CTNND2: variants seen among roughly 807,000 people sequenced by gnomAD.
CTNND2 encodes the protein catenin delta 2.
A neutral mutation model predicts 144.4 loss-of-function variants in CTNND2; 22 were observed. The observed-to-expected ratio is 0.15, with a 90% CI of 0.11 to 0.22. The LOEUF is 0.22. CTNND2 is among the 10% of genes least tolerant of loss of function. The probability of loss-of-function intolerance (pLI) is 1.00; values close to 1 mark genes in which losing one functional copy is unlikely to be tolerated. For missense variants in CTNND2, 1,353 were observed against 1,618.8 expected (o/e 0.84, Z 2.82); for synonymous variants, 751 against 695.6 (o/e 1.08, Z -1.25).
intron 16 of CTNND2, among the ~76,000 whole-genome samples, chr5:11,080,679 T>C (rs1324390728): frequency 6.6e-6 from 1 of 152,204 alleles, no homozygotes; most frequent in Non-Finnish European, 1.5e-5. Flanking sequence ...TACAACAACA[T>C]GGATGAACCT....
chr5:11,128,901 A>C (rs1218269872), intron 12 of CTNND2, among the ~76,000 whole-genome samples: 1 of 60,624 alleles, frequency 1.6e-5, no homozygotes, highest in African/African-American at 5.5e-5. Flanking sequence ...TATATTACAT[A>C]TATAAATATA....
In CTNND2 at chr5:11,448,962, C is replaced by T. The variant is rs139370735; in HGVS notation, c.288-36893G>A. Among the ~76,000 whole-genome samples the T allele has an allele frequency of 3.4e-3, 518 of 151,974 alleles. 5 individuals carry two copies. The highest frequency in any genetic ancestry group is 0.012 in the African/African-American group (491 of 41,442). The stretch of plus-strand genomic sequence containing the variant: ...AAGTGATCCTCCCACCTCAGTCTCC[C>T]AAAGTGCTGGGATTATAGGTGTGAG... On this transcript the variant is annotated intron_variant, in intron 3 of 21. Transcript: ENST00000304623.
chr5:11,583,983 C>T (rs1023392614), intron 2 of CTNND2, among the ~76,000 whole-genome samples: 4 of 152,144 alleles, frequency 2.6e-5, no homozygotes, highest in Non-Finnish European at 5.9e-5. Context: ...TCTGTTTTTA[C>T]GGTTTCCAAT....
At chr5:11,626,570 G>C (rs1781168541) in intron 2 of CTNND2, among the ~76,000 whole-genome samples, 1 of 152,012 alleles carries the variant, frequency 6.6e-6, no homozygotes, top group South Asian at 2.1e-4. Context: ...GTTGAGTCCT[G>C]GAATGTGTTT....
At chr5:11,538,169 A>C (rs35110168) in intron 3 of CTNND2, among the ~76,000 whole-genome samples, 26,293 of 152,206 alleles carry the variant, frequency 0.17, 2,590 homozygotes, top group Admixed American at 0.27. Flanking sequence ...CTGATTCGAG[A>C]ATAGCCTCGA....
intron 2 of CTNND2, among the ~76,000 whole-genome samples, chr5:11,678,879 T>C (rs1784300565): frequency 1.3e-5 from 2 of 152,100 alleles, no homozygotes. Flanking sequence ...GGTGTGTGTA[T>C]GATCTTTTGC....
At chr5:11,319,694 A>G (rs1751844042) in intron 9 of CTNND2, among the ~76,000 whole-genome samples, 1 of 151,690 alleles carries the variant, frequency 6.6e-6, no homozygotes, top group Non-Finnish European at 1.5e-5. Context: ...CTAATTTTTA[A>G]ATTTTTAGTA....
chr5:11,021,878 T>A (rs1360025047), intron 17 of CTNND2, among the ~76,000 whole-genome samples: 1 of 152,230 alleles, frequency 6.6e-6, no homozygotes, highest in East Asian at 1.9e-4. Context: ...ACAAAATGTT[T>A]ACCCTTTTAA....
At chr5:11,095,985 C>T (rs757724294) in intron 15 of CTNND2, among the ~76,000 whole-genome samples, 2 of 151,832 alleles carry the variant, frequency 1.3e-5, no homozygotes, top group South Asian at 2.1e-4. Context: ...TTGGGGACTC[C>T]GTTTACACAT....
In CTNND2 at chr5:11,283,673, C is replaced by CAAAAAAAAAA. The variant is rs70947250; in HGVS notation, c.1629-46860_1629-46851dup. Among the ~76,000 whole-genome samples, 47 of 31,616 alleles carry CAAAAAAAAAA rather than the reference C, an allele frequency of 1.5e-3. 4 individuals carry two copies. Among genetic ancestry groups the CAAAAAAAAAA allele is most frequent in the Non-Finnish European group, 2.3e-3 (39 of 17,274 alleles). The allele number at this position is 31,616 out of a possible 152,430, so 20.7% of individuals were successfully genotyped here. ...TGGGTGAAAGAGTGAGACTCCGTCT[C>CAAAAAAAAAA]AAAAAAAAAAAAAAAAAAAAAAAAA... On this transcript the variant is annotated intron_variant, in intron 9 of 21. Transcript: ENST00000304623.
At chr5:11,567,452 T>C (rs1777207748) in intron 2 of CTNND2, among the ~76,000 whole-genome samples, 1 of 152,226 alleles carries the variant, frequency 6.6e-6, no homozygotes, top group South Asian at 2.1e-4. Flanking sequence ...CATTATTTCC[T>C]TTCCTTCAAT....
At chr5:11,392,082 TGAGA>T (rs1759680153) in intron 6 of CTNND2, among the ~76,000 whole-genome samples, 1 of 152,112 alleles carries the variant, frequency 6.6e-6, no homozygotes, top group Non-Finnish European at 1.5e-5. Context: ...AGAGAGAAAG[TGAGA>T]GAGAGAAATT....
chr5:11,337,807 A>G (rs561832556), intron 9 of CTNND2, among the ~76,000 whole-genome samples: 2 of 152,268 alleles, frequency 1.3e-5, no homozygotes, highest in South Asian at 4.1e-4. Flanking sequence ...TACTGATCCA[A>G]GATACCCTTG....
chr5:11,280,829 A>C (rs1747038677), intron 9 of CTNND2, among the ~76,000 whole-genome samples: 1 of 152,050 alleles, frequency 6.6e-6, no homozygotes, highest in South Asian at 2.1e-4. Context: ...AGCCCTGAAG[A>C]CTATTATCCA....
intron 9 of CTNND2, among the ~76,000 whole-genome samples, chr5:11,316,222 GTTAT>G (rs1452016212): frequency 1.3e-5 from 2 of 151,984 alleles, no homozygotes; most frequent in African/African-American, 2.4e-5. Context: ...TAAACACTTT[GTTAT>G]TTATTTGTTT....
intron 9 of CTNND2, among the ~76,000 whole-genome samples, chr5:11,319,299 T>C (rs1463850094): frequency 6.6e-6 from 1 of 152,226 alleles, no homozygotes; most frequent in African/African-American, 2.4e-5. Flanking sequence ...GCCCATGGTT[T>C]ATACTCAATA....
chr5:11,294,319 C>T (rs1748669282), intron 9 of CTNND2, among the ~76,000 whole-genome samples: 1 of 152,048 alleles, frequency 6.6e-6, no homozygotes, highest in Admixed American at 6.6e-5. Flanking sequence ...ACATAAAGCC[C>T]ATCTGTTTCC....
chr5:11,784,669 G>A (rs1790735284), intron 1 of CTNND2, among the ~76,000 whole-genome samples: 1 of 152,174 alleles, frequency 6.6e-6, no homozygotes, highest in Admixed American at 6.5e-5. Context: ...GTTTTAAAAA[G>A]TGCCTAGAGA....
chr5:11,849,362 G>A (rs1463430824), intron 1 of CTNND2, among the ~76,000 whole-genome samples: 1 of 152,148 alleles, frequency 6.6e-6, no homozygotes, highest in Non-Finnish European at 1.5e-5. Flanking sequence ...TTTGGGTAGG[G>A]ACACAGCCAT....
Sources: gnomAD v4.1 joint callset for allele counts (sites outside exome capture counted in the v4.1 genomes callset) on GRCh38, gnomAD v4.1.1 for gene constraint, MANE v1.5 for transcripts, NCBI Gene and HGNC (gene_info 2026-07-23, HGNC 2026-07-21) for gene names.